The following PALD1 variants were observed in gnomAD, a reference collection of about 807,000 sequenced individuals.
PALD1 encodes paladin.
Under a neutral mutation model 96.0 loss-of-function variants are expected in PALD1, and 57 were observed. The ratio of observed to expected loss-of-function variants is 0.59; its 90% CI spans 0.48 to 0.74. The LOEUF (loss-of-function observed/expected upper bound fraction) is 0.74. PALD1 is among the 30% of genes least tolerant of loss of function. The pLI, the probability that PALD1 is intolerant of heterozygous loss-of-function variation, is 0.00. For synonymous variants in PALD1, 464 were observed against 473.6 expected (o/e 0.98, Z 0.26); for missense variants, 1,063 against 1,143.7 (o/e 0.93, Z 1.02).
chr10:70,535,808 C>T (rs1220406597), intron 10 of PALD1, among the ~76,000 whole-genome samples: 2 of 151,952 alleles, frequency 1.3e-5, no homozygotes, highest in Admixed American at 1.3e-4. Flanking sequence ...TCAAGGGATT[C>T]GTCCACCTCA....
At chr10:70,533,212 G>A (rs1847032613) in intron 7 of PALD1, 142 bp downstream of exon 7, 1 of 698,264 alleles carries the variant, frequency 1.4e-6, no homozygotes, top group Non-Finnish European at 2.5e-6. Context: ...GGGTGGACGT[G>A]TGTTGGTGTC....
At chr10:70,522,697 G>C (rs957917772) in intron 1 of PALD1, among the ~76,000 whole-genome samples, 6 of 152,164 alleles carry the variant, frequency 3.9e-5, no homozygotes, top group Non-Finnish European at 7.4e-5. Context: ...ACTTCCCCCT[G>C]TCTTTCCCTA....
intron 1 of PALD1, among the ~76,000 whole-genome samples, chr10:70,500,185 A>G (rs755387255): frequency 2.1e-4 from 32 of 152,190 alleles, no homozygotes; most frequent in South Asian, 8.3e-4. Flanking sequence ...ACGTGGTACT[A>G]TTGGAACTGT....
At chr10:70,552,214 G>A (rs768892646) in intron 18 of PALD1, among the ~76,000 whole-genome samples, 17 of 152,204 alleles carry the variant, frequency 1.1e-4, no homozygotes, top group Non-Finnish European at 1.9e-4. Context: ...GCATTTTGTC[G>A]TGTTTGCTGA....
At chr10:70,492,722 G>A (rs1846122027) in intron 1 of PALD1, among the ~76,000 whole-genome samples, 2 of 152,136 alleles carry the variant, frequency 1.3e-5, no homozygotes, top group African/African-American at 4.8e-5. Context: ...CTCCCAAACT[G>A]CTGGGATTAC....
intron 1 of PALD1, among the ~76,000 whole-genome samples, chr10:70,491,529 C>T (rs990496991): frequency 2.0e-5 from 3 of 152,146 alleles, no homozygotes; most frequent in Non-Finnish European, 4.4e-5. Flanking sequence ...ACTTGAGGCT[C>T]AAATTGTAGG....
At chr10:70,555,493 G>A (rs989132638) in intron 18 of PALD1, among the ~76,000 whole-genome samples, 1 of 78,012 alleles carries the variant, frequency 1.3e-5, no homozygotes, top group African/African-American at 3.3e-5. Flanking sequence ...GGGCAATCTT[G>A]TGGTGGCAGA....
chr10:70,546,478 G>A (rs1388017857), intron 17 of PALD1, among the ~76,000 whole-genome samples: 4 of 152,112 alleles, frequency 2.6e-5, no homozygotes, highest in Non-Finnish European at 5.9e-5. Context: ...TGAGAACTGT[G>A]TGCACTCTGT....
intron 1 of PALD1, among the ~76,000 whole-genome samples, chr10:70,481,295 G>A (rs575288186): frequency 6.6e-6 from 1 of 152,338 alleles, no homozygotes; most frequent in Admixed American, 6.5e-5. Context: ...GGTAGGCCGA[G>A]GCGTGCATTG....
Position 70,539,371 on chromosome 10 carries a change from G to A in PALD1, c.1725+124G>A, listed in dbSNP as rs1402663884. ...AGAATCTGAGGCCCCGGGAGGAGCA[G>A]TGTCAGGGAGTGGCCAACTCAGGAT... On this transcript the variant is annotated intron_variant, in intron 14 of 19. Transcript: ENST00000263563. The surrounding 1 kb of genome is among the most constrained non-coding windows in gnomAD (Gnocchi z 4.5). The A allele has an allele frequency of 1.8e-6, 2 of 1,122,230 alleles. No homozygotes were observed. Among genetic ancestry groups the A allele is most frequent in the East Asian group, 2.6e-5 (1 of 38,806 alleles). The allele number at this position is 1,122,230 out of a possible 1,614,324, so 69.5% of individuals were successfully genotyped here. A position where few individuals can be genotyped will look rare whatever the true frequency, so the allele number is the denominator to read the frequency against.
intron 1 of PALD1, among the ~76,000 whole-genome samples, chr10:70,512,113 T>G (rs971685710): frequency 6.6e-6 from 1 of 152,156 alleles, no homozygotes; most frequent in African/African-American, 2.4e-5. Flanking sequence ...CTTAATACTA[T>G]TATAATGGCA....
Position 70,539,100 on chromosome 10 carries a change from G to A in PALD1, c.1578G>A (p.Gly526=). The A allele has an allele frequency of 1.2e-6, 2 of 1,613,914 alleles. No homozygotes were observed. The highest frequency in any genetic ancestry group is 1.7e-6 in the Non-Finnish European group (2 of 1,179,902). The part of the protein sequence containing the change: ...GTAQPSAKAL[G]SILAYLTDAK... The stretch of plus-strand genomic sequence containing the variant: ...GGCCCTCCTGTGCCCAGGCCCTGGG[G>A]AGCATCCTGGCCTACCTGACGGACG... Residue 526 remains glycine (G), a synonymous_variant, in exon 14 of 20, where the codon GGG becomes GGA. Coordinates refer to ENST00000263563, the MANE Select transcript of PALD1 (RefSeq NM_014431.3). This position sits in a 1 kb window ranked among gnomAD's most constrained non-coding sequence, Gnocchi z 4.5.
rs1279951973 is a variant in PALD1, at chr10:70,495,300, A to G, written c.-30+16241A>G. 8.5e-5 allele frequency among the ~76,000 whole-genome samples: 13 copies of G among 152,166 alleles called. No individual in the cohort carries two copies. In the East Asian group the frequency reaches 2.5e-3, roughly 29 times the overall value. The stretch of plus-strand genomic sequence containing the variant: ...TGGTAGCCCACATCACAATGTATAC[A>G]GTGTATCATAATCGTGTTCCCTGGT... On this transcript the variant is annotated intron_variant, in intron 1 of 19. Coordinates refer to ENST00000263563, the MANE Select transcript of PALD1 (RefSeq NM_014431.3).
intron 1 of PALD1, among the ~76,000 whole-genome samples, chr10:70,525,137 G>T (rs1846828218): frequency 6.6e-6 from 1 of 151,934 alleles, no homozygotes; most frequent in Non-Finnish European, 1.5e-5. Flanking sequence ...GAGTAGCTGG[G>T]ATTATAGGTG....
rs748170493 is a variant in PALD1 at position 70,537,822 on chromosome 10, C to T, written c.1239C>T (p.Ser413=). Residue 413 remains serine (S), a synonymous_variant, in exon 11 of 20, where the codon AGC becomes AGT. Coordinates refer to ENST00000263563, the MANE Select transcript of PALD1 (RefSeq NM_014431.3). ...GTCCTCTCTCTCAGGGAAGCGGCAG[C>T]CGACACAGCGTCTGGCAGAGGGCGC... ...RPESPAQGSG[S]RHSVWQRALW... The T allele has an allele frequency of 2.5e-6, 4 of 1,612,506 alleles. No homozygotes were observed. Among genetic ancestry groups the T allele is most frequent in the Non-Finnish European group, 3.4e-6 (4 of 1,178,942 alleles).
chr10:70,488,581 G>A (rs1275282352), intron 1 of PALD1, among the ~76,000 whole-genome samples: 1 of 152,170 alleles, frequency 6.6e-6, no homozygotes, highest in African/African-American at 2.4e-5. Context: ...ACATGAATTT[G>A]TGTGGTTTTT....
At chr10:70,480,551 C>G (rs1413055719) in intron 1 of PALD1, among the ~76,000 whole-genome samples, 1 of 152,206 alleles carries the variant, frequency 6.6e-6, no homozygotes, top group Non-Finnish European at 1.5e-5. Context: ...ACAGCTCTGA[C>G]CTCACTTCTG....
the PALD1 span, among the ~76,000 whole-genome samples, chr10:70,463,253 A>T: frequency 6.6e-6 from 1 of 152,076 alleles, no homozygotes; most frequent in Non-Finnish European, 1.5e-5. Flanking sequence ...AAATGCAAAA[A>T]ATTAGCCGGG....
rs1315783342 is a variant in PALD1 at position 70,536,645 on chromosome 10, A to T, written c.1228-1166A>T. ...ACTCTGCTGGCCCACGACTGCTCTTATGCTGGGATGGCAGAGTTCAGTAGC... is the reference window on the plus strand; with the variant it reads ...ACTCTGCTGGCCCACGACTGCTCTTTTGCTGGGATGGCAGAGTTCAGTAGC... On this transcript the variant is annotated intron_variant, in intron 10 of 19. Coordinates refer to ENST00000263563, the MANE Select transcript of PALD1 (RefSeq NM_014431.3). Among the ~76,000 whole-genome samples the T allele has an allele frequency of 2.0e-5, 3 of 152,172 alleles. No individual in the cohort carries two copies. In the East Asian group the frequency reaches 5.8e-4, roughly 29 times the overall value.
Sources: allele counts gnomAD v4.1 joint callset (sites outside exome capture counted in the v4.1 genomes callset), GRCh38; gene constraint gnomAD v4.1.1; non-coding constraint Gnocchi (gnomAD v3.1); transcripts MANE v1.5; gene names NCBI Gene and HGNC (gene_info 2026-07-23, HGNC 2026-07-21).